ABCC1: variants seen among roughly 807,000 people sequenced by gnomAD.
ABCC1 encodes multidrug resistance-associated protein 1.
In ABCC1, 83 loss-of-function variants were observed where a neutral mutation model predicts 172.9. The observed-to-expected ratio is 0.48, with a 90% CI of 0.40 to 0.58. The LOEUF (loss-of-function observed/expected upper bound fraction) is 0.58, where lower values mean the gene tolerates loss of function less well. Ranked by LOEUF, ABCC1 falls within the 20% of genes least tolerant of loss-of-function variation. ABCC1 has a pLI of 0.00. For synonymous variants in ABCC1, 937 were observed against 825.2 expected (o/e 1.14, Z -2.32); for missense variants, 1,817 against 2,002.7 (o/e 0.91, Z 1.77).
intron 1 of ABCC1, among the ~76,000 whole-genome samples, chr16:15,959,278 G>A (rs898776188): frequency 2.6e-5 from 4 of 152,156 alleles, no homozygotes; most frequent in Non-Finnish European, 4.4e-5. Flanking sequence ...TTGGAGTTGT[G>A]ACAGTTCATT....
chr16:16,097,464 C>G (rs1007323754), intron 19 of ABCC1, among the ~76,000 whole-genome samples: 1 of 152,188 alleles, frequency 6.6e-6, no homozygotes, highest in African/African-American at 2.4e-5. Flanking sequence ...AGAAAAGAGC[C>G]TGACACATAG....
chr16:16,085,356 T>C (rs1596476423), intron 17 of ABCC1, among the ~76,000 whole-genome samples: 1 of 152,220 alleles, frequency 6.6e-6, no homozygotes, highest in East Asian at 1.9e-4. Context: ...GTGTCCCCTC[T>C]TGGAAGACCA....
intron 5 of ABCC1, among the ~76,000 whole-genome samples, chr16:16,017,624 G>T: frequency 6.6e-6 from 1 of 152,052 alleles, no homozygotes; most frequent in East Asian, 1.9e-4. Flanking sequence ...TGGGGAGATG[G>T]TCTCAAACCC....
chr16:16,123,979 C>A (rs919309230), intron 24 of ABCC1, among the ~76,000 whole-genome samples: 1 of 152,032 alleles, frequency 6.6e-6, no homozygotes, highest in African/African-American at 2.4e-5. Context: ...ATCATGTCAT[C>A]CACACTCCAG....
intron 1 of ABCC1, among the ~76,000 whole-genome samples, chr16:15,963,333 A>C (rs998976899): frequency 6.6e-6 from 1 of 152,220 alleles, no homozygotes; most frequent in Non-Finnish European, 1.5e-5. Flanking sequence ...TTTTCCAGGC[A>C]CACGATGTAG....
At chr16:16,109,514 C>T (rs1326286415) in intron 21 of ABCC1, among the ~76,000 whole-genome samples, 1 of 152,182 alleles carries the variant, frequency 6.6e-6, no homozygotes, top group African/African-American at 2.4e-5. Context: ...GCATGAAAAG[C>T]TTGAAATGAC....
chr16:16,133,708 G>A (rs920163747), intron 27 of ABCC1, among the ~76,000 whole-genome samples: 1 of 152,094 alleles, frequency 6.6e-6, no homozygotes, highest in African/African-American at 2.4e-5. Flanking sequence ...CCCAGCCCTT[G>A]TTGAGTCTTT....
chr16:16,009,528 A>G (rs2047687497), intron 2 of ABCC1, among the ~76,000 whole-genome samples: 1 of 152,148 alleles, frequency 6.6e-6, no homozygotes, highest in Admixed American at 6.6e-5. Context: ...GTGACCAGAC[A>G]AACAGTCCTG....
intron 1 of ABCC1, among the ~76,000 whole-genome samples, chr16:15,967,758 C>CAA (rs11287273): frequency 2.7e-4 from 33 of 123,098 alleles, no homozygotes; most frequent in African/African-American, 9.4e-4. Context: ...GCACTGTCTC[C>CAA]AAAAAAAAAA....
chr16:16,105,200 C>G (rs767868204), intron 20 of ABCC1, among the ~76,000 whole-genome samples: 13 of 152,240 alleles, frequency 8.5e-5, no homozygotes, highest in Non-Finnish European at 1.9e-4. Context: ...CAATCTTACA[C>G]AGCCTAAATT....
intron 1 of ABCC1, among the ~76,000 whole-genome samples, chr16:16,002,661 G>T (rs972128686): frequency 6.6e-6 from 1 of 151,850 alleles, no homozygotes; most frequent in Non-Finnish European, 1.5e-5. Flanking sequence ...GGTCCTAGCT[G>T]CTCAGGAGGC....
intron 2 of ABCC1, 56 bp from the exon 3 acceptor site, chr16:16,009,720 C>G (rs2047697791): frequency 6.6e-7 from 1 of 1,510,160 alleles, no homozygotes; most frequent in South Asian, 1.3e-5. Context: ...TCGTGCAGGC[C>G]CTGGGGGAGG....
At chr16:16,069,214 A>AAATAAATATATG (rs1248266927) in intron 13 of ABCC1, among the ~76,000 whole-genome samples, 15 of 147,262 alleles carry the variant, frequency 1.0e-4, no homozygotes, top group African/African-American at 3.3e-4. Context: ...ATAAATAAAT[A>AAATAAATATATG]TGTTTGAAAA....
intron 3 of ABCC1, among the ~76,000 whole-genome samples, chr16:16,013,791 T>G (rs1228378999): frequency 6.6e-6 from 1 of 152,076 alleles, no homozygotes; most frequent in South Asian, 2.1e-4. Flanking sequence ...GAGCAAGTTG[T>G]TAAAAAGCTT....
At chr16:16,054,486 A>C (rs1441224414) in intron 11 of ABCC1, among the ~76,000 whole-genome samples, 1 of 151,630 alleles carries the variant, frequency 6.6e-6, no homozygotes, top group African/African-American at 2.4e-5. Context: ...GTTGATGGAT[A>C]TTTATGGTGT....
intron 28 of ABCC1, among the ~76,000 whole-genome samples, chr16:16,134,868 C>G (rs2283511): frequency 0.22 from 33,048 of 151,978 alleles, 4,096 homozygotes; most frequent in South Asian, 0.46. Flanking sequence ...CCTTGAACTC[C>G]TGGGCTCAAG....
intron 5 of ABCC1, among the ~76,000 whole-genome samples, chr16:16,021,999 C>G (rs2048212277): frequency 6.6e-6 from 1 of 152,160 alleles, no homozygotes. Context: ...TGCTTGTTTT[C>G]CCATCACTCT....
chr16:16,064,771 C>T (rs2050052935), intron 12 of ABCC1, among the ~76,000 whole-genome samples: 2 of 152,218 alleles, frequency 1.3e-5, no homozygotes, highest in South Asian at 2.1e-4. Flanking sequence ...ATGATCTGGG[C>T]TCTGTCCTAG....
At chr16:16,084,830 A>G (rs1157316132) in intron 17 of ABCC1, among the ~76,000 whole-genome samples, 1 of 152,156 alleles carries the variant, frequency 6.6e-6, no homozygotes, top group Admixed American at 6.6e-5. Flanking sequence ...TGTGTTGGCC[A>G]TGCTGATCTT....
Sources: gnomAD v4.1 joint callset for allele counts (sites outside exome capture counted in the v4.1 genomes callset) on GRCh38, gnomAD v4.1.1 for gene constraint, MANE v1.5 for transcripts, NCBI Gene and HGNC (gene_info 2026-07-23, HGNC 2026-07-21) for gene names.